Variants in WNK2 observed in about 807,000 individuals in gnomAD.
WNK2 encodes the protein WNK lysine deficient protein kinase 2.
A neutral mutation model predicts 192.1 loss-of-function variants in WNK2; 67 were observed. The observed-to-expected ratio is 0.35, with a 90% confidence interval of 0.29 to 0.43. The LOEUF is 0.43. Ranked by LOEUF, WNK2 falls within the 20% of genes least tolerant of loss-of-function variation. The probability of loss-of-function intolerance (pLI) is 1.00; values close to 1 mark genes in which losing one functional copy is unlikely to be tolerated. For missense variants in WNK2, 2,698 were observed against 3,089.7 expected (o/e 0.87, Z 3.01); for synonymous variants, 1,439 against 1,393.9 (o/e 1.03, Z -0.72).
intron 28 of WNK2, among the ~76,000 whole-genome samples, chr9:93,314,196 C>T (rs560930124): frequency 1.3e-5 from 2 of 152,108 alleles, no homozygotes; most frequent in South Asian, 2.1e-4. Flanking sequence ...GCAGGAGAAT[C>T]GCTTGAACCT....
chr9:93,297,841 C>T lies in WNK2; in HGVS notation c.5709-12C>T, dbSNP rs780072305. On this transcript the variant is annotated splice_polypyrimidine_tract_variant and intron_variant, in intron 23 of 29. Transcript: ENST00000427277. ...GAAGCCCATCGGCGCTCCCTCCTGT[C>T]CCCTCCTGCAGGCACCTGAAGGAGA... The T allele has an allele frequency of 7.7e-6, 12 of 1,566,070 alleles. No individual in the cohort carries two copies. In the Middle Eastern group the frequency reaches 5.1e-4, roughly 66 times the overall value.
intron 28 of WNK2, among the ~76,000 whole-genome samples, chr9:93,313,438 T>G (rs993277146): frequency 5.9e-5 from 9 of 152,046 alleles, no homozygotes; most frequent in Non-Finnish European, 1.5e-5. Flanking sequence ...CAAAATTCTC[T>G]ATCTTGTATC....
intron 2 of WNK2, among the ~76,000 whole-genome samples, chr9:93,186,499 C>T (rs1040862919): frequency 1.3e-5 from 2 of 152,258 alleles, no homozygotes; most frequent in African/African-American, 2.4e-5. Context: ...AGCTGTCAGG[C>T]GTGAGCCAGT....
chr9:93,306,952 C>T, intron 27 of WNK2, 131 bp downstream of exon 27: 1 of 1,153,480 alleles, frequency 8.7e-7, no homozygotes. Context: ...CTGCTCCATG[C>T]CTCTCGGCCG....
intron 7 of WNK2, among the ~76,000 whole-genome samples, chr9:93,246,204 C>T (rs1841653371): frequency 6.6e-6 from 1 of 152,192 alleles, no homozygotes; most frequent in South Asian, 2.1e-4. Context: ...GCGGGAGGCC[C>T]TCAGCACTGG....
intron 23 of WNK2, among the ~76,000 whole-genome samples, chr9:93,296,691 T>C (rs1588522326): frequency 7.6e-5 from 2 of 26,244 alleles, no homozygotes; most frequent in African/African-American, 1.7e-4. Flanking sequence ...TCCTCCCCTC[T>C]CCATTCTCCC....
At chr9:93,296,573 T>C (rs1588520802) in intron 23 of WNK2, among the ~76,000 whole-genome samples, 1 of 39,978 alleles carries the variant, frequency 2.5e-5, no homozygotes, top group Non-Finnish European at 4.5e-5. Flanking sequence ...CCTTACCTTC[T>C]TCCCCCTTCA....
At chr9:93,211,958 A>ACATT (rs1834870909) in intron 2 of WNK2, among the ~76,000 whole-genome samples, 1 of 150,778 alleles carries the variant, frequency 6.6e-6, no homozygotes, top group Admixed American at 6.6e-5. Context: ...ACTCACTCAT[A>ACATT]CATTCACTCA....
chr9:93,192,963 T>C (rs1329854375), intron 2 of WNK2, among the ~76,000 whole-genome samples: 2 of 152,198 alleles, frequency 1.3e-5, no homozygotes, highest in African/African-American at 4.8e-5. Flanking sequence ...GGCTTCAGGC[T>C]GCAGCTGGAA....
chr9:93,276,007 T>C (rs920882088), intron 19 of WNK2, among the ~76,000 whole-genome samples: 1 of 152,218 alleles, frequency 6.6e-6, no homozygotes, highest in Non-Finnish European at 1.5e-5. Context: ...AGACTCAACA[T>C]AGTAAAAATG....
chr9:93,258,081 T>C (rs913423597), intron 11 of WNK2, among the ~76,000 whole-genome samples: 4 of 152,218 alleles, frequency 2.6e-5, no homozygotes, highest in Non-Finnish European at 5.9e-5. Context: ...CATAGGACGT[T>C]AGGCAGCTTC....
intron 27 of WNK2, 132 bp downstream of exon 27, chr9:93,306,953 C>A: frequency 8.8e-7 from 1 of 1,140,342 alleles, no homozygotes; most frequent in South Asian, 1.3e-5. Flanking sequence ...TGCTCCATGC[C>A]TCTCGGCCGG....
At chr9:93,304,052 T>C (rs1852066064) in intron 26 of WNK2, among the ~76,000 whole-genome samples, 1 of 152,110 alleles carries the variant, frequency 6.6e-6, no homozygotes. Flanking sequence ...CTGGGCAGTA[T>C]TGAGCCCTGT....
chr9:93,266,868 G>T (rs756411785), intron 16 of WNK2, among the ~76,000 whole-genome samples: 8 of 152,196 alleles, frequency 5.3e-5, no homozygotes, highest in Admixed American at 1.3e-4. Context: ...GACTGCAGAG[G>T]TGTCTGCCTG....
intron 9 of WNK2, among the ~76,000 whole-genome samples, chr9:93,254,376 C>T (rs537539438): frequency 1.4e-4 from 21 of 152,360 alleles, no homozygotes; most frequent in Admixed American, 2.6e-4. Flanking sequence ...TTGTCACTCG[C>T]ACACTCAGCG....
intron 28 of WNK2, among the ~76,000 whole-genome samples, chr9:93,313,913 A>C (rs1322900248): frequency 6.6e-6 from 1 of 152,146 alleles, no homozygotes; most frequent in Non-Finnish European, 1.5e-5. Flanking sequence ...GGATTGATTG[A>C]GTCCAGGAGT....
rs58293954 is a variant in WNK2 at position 93,249,907 on chromosome 9, A to AT, written c.1834+2099dup. Among the ~76,000 whole-genome samples, 366 of 85,440 alleles carry AT rather than the reference A, an allele frequency of 4.3e-3. 40 individuals carry two copies. Among genetic ancestry groups the AT allele is most frequent in the Admixed American group, 5.7e-3 (31 of 5,400 alleles). 56.1% of individuals were successfully genotyped at this position (85,440 alleles called of 152,430 possible). A position where few individuals can be genotyped will look rare whatever the true frequency, so the allele number is the denominator to read the frequency against. On this transcript the variant is annotated intron_variant, in intron 8 of 29. Coordinates refer to ENST00000427277, the MANE Select transcript of WNK2 (RefSeq NM_006648.4). ...TCCCTAGAGGCAACAGATGCTACCA[A>AT]TTTTTTTTTTTTTTTTTTTTTTTTT...
chr9:93,201,411 C>T lies in WNK2; in HGVS notation c.681+15801C>T, dbSNP rs193216995. Among the ~76,000 whole-genome samples, 6 of 152,338 alleles carry T rather than the reference C, an allele frequency of 3.9e-5. 1 individual carries two copies. Among genetic ancestry groups the T allele is most frequent in the Non-Finnish European group, 1.5e-5 (1 of 68,030 alleles). ...TGCGTGCCTTCCTGGTTGGGGTGCT[C>T]ACGCTGCATGCTCTTGGCAGCCCGG... On this transcript the variant is annotated intron_variant, in intron 2 of 29. Transcript: ENST00000427277.
chr9:93,251,571 GT>G (rs541278488), intron 8 of WNK2, among the ~76,000 whole-genome samples: 122 of 152,308 alleles, frequency 8.0e-4, no homozygotes, highest in African/African-American at 2.7e-3. Context: ...TTAGCCAGGT[GT>G]GGTGGTGTAT....
Sources: allele counts gnomAD v4.1 joint callset (sites outside exome capture counted in the v4.1 genomes callset), GRCh38; gene constraint gnomAD v4.1.1; transcripts MANE v1.5; gene names NCBI Gene and HGNC (gene_info 2026-07-23, HGNC 2026-07-21).